EEFSEC: variants seen among roughly 807,000 people sequenced by gnomAD.
EEFSEC encodes the protein eukaryotic elongation factor, selenocysteine-tRNA specific, also known as selenocysteine-specific elongation factor.
EEFSEC carries 43 observed loss-of-function variants against 42.1 expected under a neutral mutation model. The ratio of observed to expected loss-of-function variants is 1.02; its 90% CI spans 0.80 to 1.32. The LOEUF is 1.32. EEFSEC is among the 40% of genes most tolerant of loss of function. The pLI, the probability that EEFSEC is intolerant of heterozygous loss-of-function variation, is 0.00. For missense variants in EEFSEC, 745 were observed against 803.6 expected (o/e 0.93, Z 0.88); for synonymous variants, 354 against 339.1 (o/e 1.04, Z -0.48).
intron 4 of EEFSEC, among the ~76,000 whole-genome samples, chr3:128,301,254 C>T (rs750814306): frequency 7.2e-5 from 11 of 152,150 alleles, no homozygotes; most frequent in Non-Finnish European, 1.6e-4. Context: ...TGGGAGGCCC[C>T]GCAGCTGCAC....
intron 4 of EEFSEC, among the ~76,000 whole-genome samples, chr3:128,312,254 A>G (rs541524760): frequency 6.6e-6 from 1 of 152,328 alleles, no homozygotes; most frequent in African/African-American, 2.4e-5. Context: ...GACTGTTATC[A>G]TCTCTCTCTG....
chr3:128,383,140 C>G (rs1344394450), intron 6 of EEFSEC, among the ~76,000 whole-genome samples: 2 of 152,226 alleles, frequency 1.3e-5, no homozygotes, highest in African/African-American at 2.4e-5. Flanking sequence ...AGAACACCCC[C>G]AAACCCAGCA....
At chr3:128,266,952 C>G (rs2107937671) in intron 4 of EEFSEC, among the ~76,000 whole-genome samples, 1 of 152,258 alleles carries the variant, frequency 6.6e-6, no homozygotes, top group South Asian at 2.1e-4. Flanking sequence ...TCTTTCCAGT[C>G]TCTGTGCTTC....
chr3:128,289,944 AT>A (rs1182422364), intron 4 of EEFSEC, among the ~76,000 whole-genome samples: 2 of 152,106 alleles, frequency 1.3e-5, no homozygotes, highest in African/African-American at 4.8e-5. Context: ...TGTTTGTCTT[AT>A]TGTTGATTTG....
rs771290797 is a variant in EEFSEC, at chr3:128,317,522, C to T, written c.787-23711C>T. Among the ~76,000 whole-genome samples, 5 of 152,242 alleles carry T rather than the reference C, an allele frequency of 3.3e-5. No homozygotes were observed. The highest frequency in any genetic ancestry group is 1.3e-4 in the Admixed American group (2 of 15,292). ...TCATTACAGTTTGCTCCGATTTGCT[C>T]TGTGCCCAGAGTCTTTTTCCCCATC... On this transcript the variant is annotated intron_variant, in intron 4 of 6. Transcript: ENST00000254730. The surrounding 1 kb of genome is among the most constrained non-coding windows in gnomAD (Gnocchi z 4.1).
intron 4 of EEFSEC, among the ~76,000 whole-genome samples, chr3:128,275,311 A>G: frequency 6.6e-6 from 1 of 152,212 alleles, no homozygotes; most frequent in Admixed American, 6.5e-5. Context: ...CCTGGTCCAC[A>G]AAGGAGTATC....
At chr3:128,190,626 A>G (rs769387989) in intron 1 of EEFSEC, among the ~76,000 whole-genome samples, 2 of 152,192 alleles carry the variant, frequency 1.3e-5, no homozygotes, top group Non-Finnish European at 2.9e-5. Flanking sequence ...TTATAAATTT[A>G]GTGTTGTCTA....
downstream of EEFSEC, among the ~76,000 whole-genome samples, chr3:128,410,347 A>G (rs1269009101): frequency 1.3e-5 from 2 of 152,196 alleles, no homozygotes; most frequent in African/African-American, 2.4e-5. Context: ...CCTGGCCTGC[A>G]TGGGCAGGGT....
the EEFSEC span, among the ~76,000 whole-genome samples, chr3:128,415,771 C>T: frequency 6.6e-6 from 1 of 152,206 alleles, no homozygotes; most frequent in South Asian, 2.1e-4. Context: ...GACAGTGCTG[C>T]TCCAAGGAAG....
At chr3:128,235,058 CTTAT>C (rs1419666923) in intron 1 of EEFSEC, among the ~76,000 whole-genome samples, 1 of 151,920 alleles carries the variant, frequency 6.6e-6, no homozygotes, top group Non-Finnish European at 1.5e-5. Context: ...TACTTACTTA[CTTAT>C]TTATTTTATT....
chr3:128,389,089 C>CGGTGTCCTGT (rs2067877142), intron 6 of EEFSEC, among the ~76,000 whole-genome samples: 1 of 152,240 alleles, frequency 6.6e-6, no homozygotes, highest in Non-Finnish European at 1.5e-5. Context: ...TGGGCCGAGG[C>CGGTGTCCTGT]AGCCTGCGGT....
At chr3:128,171,097 G>A (rs1024166392) in intron 1 of EEFSEC, among the ~76,000 whole-genome samples, 4 of 152,124 alleles carry the variant, frequency 2.6e-5, no homozygotes, top group African/African-American at 4.8e-5. Context: ...TCTCCATGCC[G>A]ACTCCGAACT....
chr3:128,226,448 C>T (rs201066443), intron 1 of EEFSEC, among the ~76,000 whole-genome samples: 1 of 152,102 alleles, frequency 6.6e-6, no homozygotes, highest in African/African-American at 2.4e-5. Context: ...TAACAAAGCT[C>T]GAGGTGATCT....
intron 4 of EEFSEC, among the ~76,000 whole-genome samples, chr3:128,269,518 A>G (rs2066392394): frequency 6.6e-6 from 1 of 152,192 alleles, no homozygotes; most frequent in Admixed American, 6.5e-5. Context: ...ACACAGTGAC[A>G]TCCCTGTCAG....
At chr3:128,261,516 G>C (rs903184265) in intron 2 of EEFSEC, among the ~76,000 whole-genome samples, 2 of 146,718 alleles carry the variant, frequency 1.4e-5, no homozygotes, top group African/African-American at 2.5e-5. Flanking sequence ...TACACCAAAT[G>C]ATGGGATTAT....
chr3:128,400,114 C>A (rs1366327010), intron 6 of EEFSEC, among the ~76,000 whole-genome samples: 1 of 152,194 alleles, frequency 6.6e-6, no homozygotes, highest in Non-Finnish European at 1.5e-5. Flanking sequence ...GCCTTGGGGG[C>A]AGCTCCCTCT....
At chr3:128,239,674 A>G (rs2066050383) in intron 1 of EEFSEC, among the ~76,000 whole-genome samples, 1 of 152,228 alleles carries the variant, frequency 6.6e-6, no homozygotes, top group South Asian at 2.1e-4. Context: ...CCTCTACAGG[A>G]ACCTGAGTTT....
chr3:128,347,189 A>G (rs2067322216), intron 5 of EEFSEC, among the ~76,000 whole-genome samples: 1 of 152,056 alleles, frequency 6.6e-6, no homozygotes, highest in African/African-American at 2.4e-5. Flanking sequence ...TTATTCTTGG[A>G]TACATTTGAT....
At chr3:128,335,831 G>T (rs1180521321) in intron 4 of EEFSEC, among the ~76,000 whole-genome samples, 1 of 152,216 alleles carries the variant, frequency 6.6e-6, no homozygotes, top group Non-Finnish European at 1.5e-5. Context: ...CTACTTGGAA[G>T]GTAGAGCCGA....
Sources: gnomAD v4.1 joint callset for allele counts (sites outside exome capture counted in the v4.1 genomes callset) on GRCh38, gnomAD v4.1.1 for gene constraint, Gnocchi (gnomAD v3.1) non-coding constraint, MANE v1.5 for transcripts, NCBI Gene and HGNC (gene_info 2026-07-23, HGNC 2026-07-21) for gene names.